HECTD2: variants seen among roughly 807,000 people sequenced by gnomAD.
The protein encoded by HECTD2 is HECT domain E3 ubiquitin protein ligase 2, also known as probable E3 ubiquitin-protein ligase HECTD2.
In HECTD2, 35 loss-of-function variants were observed where a neutral mutation model predicts 103.2. That is an observed-to-expected ratio of 0.34 (90% CI 0.26 to 0.45). The LOEUF (loss-of-function observed/expected upper bound fraction) is 0.45. Among genes scored for constraint, HECTD2 ranks in the 20% least tolerant of loss-of-function variants. The pLI, the probability that HECTD2 is intolerant of heterozygous loss-of-function variation, is 1.00. For synonymous variants in HECTD2, 281 were observed against 329.9 expected (o/e 0.85, Z 1.61); for missense variants, 596 against 937.4 (o/e 0.64, Z 4.76).
At chr10:91,437,078 C>A (rs1589479295) in intron 2 of HECTD2, among the ~76,000 whole-genome samples, 1 of 152,018 alleles carries the variant, frequency 6.6e-6, no homozygotes, top group South Asian at 2.1e-4. Flanking sequence ...TCTGTTTATA[C>A]ATGTTCCAGT....
chr10:91,423,465 G>A (rs1046128339), intron 1 of HECTD2, among the ~76,000 whole-genome samples: 4 of 151,998 alleles, frequency 2.6e-5, no homozygotes, highest in African/African-American at 9.7e-5. Context: ...AAGAATCAAG[G>A]ACCAAGCAAA....
At chr10:91,511,061 G>A (rs756186159) in intron 20 of HECTD2, among the ~76,000 whole-genome samples, 9 of 152,196 alleles carry the variant, frequency 5.9e-5, no homozygotes, top group Non-Finnish European at 1.3e-4. Flanking sequence ...CTGAGTAAAT[G>A]CTGATTCTAG....
chr10:91,503,642 G>C (rs184999913), intron 20 of HECTD2, among the ~76,000 whole-genome samples: 26 of 152,104 alleles, frequency 1.7e-4, no homozygotes, highest in African/African-American at 1.7e-4. Flanking sequence ...ACGGAGTCTC[G>C]CTGATGGCTA....
intron 5 of HECTD2, chr10:91,462,723 C>A (rs1360298908): frequency 1.0e-6 from 1 of 986,474 alleles, no homozygotes; most frequent in Admixed American, 6.1e-5. Flanking sequence ...ATGATAAAGA[C>A]AGAATGTAAA....
chr10:91,483,092 A>G lies in HECTD2; in HGVS notation c.821+16A>G. On this transcript the variant is annotated intron_variant, in intron 8 of 20. Coordinates refer to ENST00000298068, the MANE Select transcript of HECTD2 (RefSeq NM_182765.6). ...GGTTTAAAAAGTAAATCATTCTATG[A>G]TATTAAGAACTTTTATAGTCTCACA... is the stretch of plus-strand genomic sequence containing the variant. The G allele has an allele frequency of 8.5e-7, 1 of 1,181,658 alleles. No individual in the cohort carries two copies. The highest frequency in any genetic ancestry group is 1.3e-5 in the South Asian group (1 of 77,532). 73.2% of individuals were successfully genotyped at this position (1,181,658 alleles called of 1,614,324 possible).
chr10:91,452,849 T>C (rs1196856837), intron 2 of HECTD2, among the ~76,000 whole-genome samples: 1 of 152,022 alleles, frequency 6.6e-6, no homozygotes, highest in Admixed American at 6.6e-5. Context: ...CTGATGAAAA[T>C]ATTTTTCAGG....
chr10:91,414,554 G>C (rs886912983), intron 1 of HECTD2, among the ~76,000 whole-genome samples: 2 of 152,140 alleles, frequency 1.3e-5, no homozygotes, highest in Non-Finnish European at 2.9e-5. Flanking sequence ...GAAAAGCAAA[G>C]CAATATGTAA....
In HECTD2 at chr10:91,514,035, T is replaced by G. The variant is rs11186596; in HGVS notation, c.*1651T>G. 28,867 of 152,636 alleles carry G rather than the reference T, an allele frequency of 0.19. 6,380 individuals are homozygous for G. Among genetic ancestry groups the G allele is most frequent in the African/African-American group, 0.54 (22,380 of 41,472 alleles). 9.5% of individuals were successfully genotyped at this position (152,636 alleles called of 1,614,324 possible). The stretch of plus-strand genomic sequence containing the variant: ...CCTGGTTTTGTTTCATTTTGCTCTG[T>G]TTTAAATCCATATGCAAATAAAACT... On this transcript the variant is annotated 3_prime_UTR_variant, in exon 21 of 21. Transcript: ENST00000298068.
intron 1 of HECTD2, among the ~76,000 whole-genome samples, chr10:91,419,639 C>T (rs74149208): frequency 6.6e-6 from 1 of 152,036 alleles, no homozygotes; most frequent in Non-Finnish European, 1.5e-5. Context: ...AGAGTCAGGT[C>T]TATTATTTAT....
chr10:91,415,337 G>A (rs1480595952), intron 1 of HECTD2, among the ~76,000 whole-genome samples: 1 of 152,056 alleles, frequency 6.6e-6, no homozygotes, highest in Non-Finnish European at 1.5e-5. Context: ...GGGAAAGAAT[G>A]AATGCTATGG....
chr10:91,477,187 CAAA>C (rs1350626797), intron 5 of HECTD2, among the ~76,000 whole-genome samples: 1 of 66,460 alleles, frequency 1.5e-5, no homozygotes, highest in Non-Finnish European at 3.2e-5. Flanking sequence ...GACTCCGTCT[CAAA>C]AAAAAAAAAA....
intron 20 of HECTD2, among the ~76,000 whole-genome samples, chr10:91,506,953 T>A (rs948337218): frequency 1.3e-5 from 2 of 150,816 alleles, no homozygotes; most frequent in South Asian, 4.2e-4. Context: ...ATCCCTGGGA[T>A]GCAAGGCTGG....
intron 5 of HECTD2, among the ~76,000 whole-genome samples, chr10:91,465,584 T>C (rs1243111009): frequency 2.0e-5 from 3 of 151,934 alleles, no homozygotes; most frequent in African/African-American, 4.8e-5. Context: ...AAGATGTTCT[T>C]CATCAAGTTG....
rs986031725 is a variant in HECTD2, at chr10:91,514,071, TAC to T, written c.*1690_*1691del. On this transcript the variant is annotated 3_prime_UTR_variant, in exon 21 of 21. Coordinates refer to ENST00000298068, the MANE Select transcript of HECTD2 (RefSeq NM_182765.6). Reference sequence around the variant, plus strand: ...TATGCAAATAAAACTGCTTCTCTCTTACACTGCTTGAACTAGAAAATCAGCTT... The same window carrying T: ...TATGCAAATAAAACTGCTTCTCTCTTACTGCTTGAACTAGAAAATCAGCTT... 1 of 152,646 alleles carries T rather than the reference TAC, an allele frequency of 6.6e-6. No homozygotes were observed. Among genetic ancestry groups the T allele is most frequent in the Admixed American group, 6.5e-5 (1 of 15,280 alleles). 9.5% of individuals were successfully genotyped at this position (152,646 alleles called of 1,614,324 possible).
chr10:91,485,354 A>G, intron 10 of HECTD2, 51 bp downstream of exon 10: 1 of 1,387,376 alleles, frequency 7.2e-7, no homozygotes, highest in Middle Eastern at 1.8e-4. Context: ...TACTATTCAA[A>G]AGAATGACTA....
intron 2 of HECTD2, among the ~76,000 whole-genome samples, chr10:91,438,839 C>A (rs1406692056): frequency 6.6e-6 from 1 of 152,118 alleles, no homozygotes; most frequent in Non-Finnish European, 1.5e-5. Context: ...TGATGATGAG[C>A]TTTTTTTCAT....
chr10:91,429,145 T>C (rs958256243), intron 2 of HECTD2, among the ~76,000 whole-genome samples: 2 of 151,858 alleles, frequency 1.3e-5, no homozygotes, highest in Non-Finnish European at 2.9e-5. Flanking sequence ...TCATGTGGTT[T>C]TTGTCTTTGG....
At chr10:91,496,431 GCA>G (rs1846667320) in intron 15 of HECTD2, 59 bp downstream of exon 15, 3 of 1,200,062 alleles carry the variant, frequency 2.5e-6, no homozygotes, top group South Asian at 1.4e-5. Context: ...TTTTCTACCT[GCA>G]CAGTCTCTCC....
At chr10:91,475,323 A>G (rs1391157369) in intron 5 of HECTD2, among the ~76,000 whole-genome samples, 1 of 152,222 alleles carries the variant, frequency 6.6e-6, no homozygotes, top group Non-Finnish European at 1.5e-5. Flanking sequence ...AACTTCCAGT[A>G]CATTGGATGT....
Sources: gnomAD v4.1 joint callset for allele counts (sites outside exome capture counted in the v4.1 genomes callset) on GRCh38, gnomAD v4.1.1 for gene constraint, MANE v1.5 for transcripts, NCBI Gene and HGNC (gene_info 2026-07-23, HGNC 2026-07-21) for gene names.